The following ROBO2 variants were observed in gnomAD, a reference collection of about 807,000 sequenced individuals.
ROBO2 encodes the protein roundabout homolog 2.
Under a neutral mutation model 160.8 loss-of-function variants are expected in ROBO2, and 53 were observed. That is an observed-to-expected ratio of 0.33 (90% CI 0.26 to 0.41). ROBO2 has a LOEUF of 0.41. Ranked by LOEUF, ROBO2 falls within the 10% of genes least tolerant of loss-of-function variation. The pLI is 1.00. For synonymous variants in ROBO2, 664 were observed against 611.7 expected, an observed-to-expected ratio of 1.09 and a Z score of -1.26; for missense variants, 1,577 against 1,722.4, an observed-to-expected ratio of 0.92 and a Z score of 1.49.
At chr3:76,653,802 G>T (rs946665687) in intron 2 of ROBO2, among the ~76,000 whole-genome samples, 15 of 152,114 alleles carry the variant, frequency 9.9e-5, no homozygotes, top group African/African-American at 3.1e-4. Flanking sequence ...GGGTAAAATT[G>T]CTTGGCTAGG....
intron 2 of ROBO2, among the ~76,000 whole-genome samples, chr3:76,960,565 T>C (rs2079576633): frequency 6.6e-6 from 1 of 152,072 alleles, no homozygotes; most frequent in Non-Finnish European, 1.5e-5. Context: ...GTAAGACTAT[T>C]ATAAGTGAGA....
At chr3:76,760,096 G>A (rs945596196) in intron 2 of ROBO2, among the ~76,000 whole-genome samples, 17 of 151,860 alleles carry the variant, frequency 1.1e-4, no homozygotes, top group African/African-American at 3.1e-4. Flanking sequence ...AGGCACAAGG[G>A]AAAAGAGACT....
chr3:77,270,932 T>C (rs2153353967), intron 2 of ROBO2, among the ~76,000 whole-genome samples: 1 of 125,632 alleles, frequency 8.0e-6, no homozygotes, highest in Non-Finnish European at 1.6e-5. Flanking sequence ...GACAGAGCAA[T>C]ACTCTGTCTT....
At chr3:76,038,296 T>C (rs1326813554) in intron 2 of ROBO2, among the ~76,000 whole-genome samples, 1 of 151,890 alleles carries the variant, frequency 6.6e-6, no homozygotes, top group African/African-American at 2.4e-5. Flanking sequence ...TTGCATTGAG[T>C]GTATATTGCA....
chr3:76,182,497 A>G (rs1355062007), intron 2 of ROBO2, among the ~76,000 whole-genome samples: 2 of 152,118 alleles, frequency 1.3e-5, no homozygotes, highest in Non-Finnish European at 2.9e-5. Flanking sequence ...TACCCTACTT[A>G]GTGATTAGAA....
At chr3:75,963,603 C>CATT (rs1323994639) in intron 2 of ROBO2, among the ~76,000 whole-genome samples, 1 of 151,762 alleles carries the variant, frequency 6.6e-6, no homozygotes, top group African/African-American at 2.4e-5. Flanking sequence ...TTAAAAAGTC[C>CATT]ATTATGTCCT....
At chr3:77,183,844 C>A (rs1341769640) in intron 2 of ROBO2, among the ~76,000 whole-genome samples, 3 of 152,004 alleles carry the variant, frequency 2.0e-5, no homozygotes, top group Admixed American at 6.6e-5. Flanking sequence ...AATTGATTAA[C>A]TTTCTTTTCA....
chr3:75,977,205 A>G (rs543622622), intron 2 of ROBO2, among the ~76,000 whole-genome samples: 18 of 151,638 alleles, frequency 1.2e-4, no homozygotes, highest in South Asian at 2.1e-4. Flanking sequence ...CTGTCTCACA[A>G]TTGTCCCTGG....
intron 2 of ROBO2, chr3:77,317,023 A>G: frequency 1.3e-6 from 2 of 1,528,528 alleles, no homozygotes; most frequent in Non-Finnish European, 1.8e-6. Flanking sequence ...CTTCTGGTAA[A>G]TGGAGCCGCC....
intron 2 of ROBO2, among the ~76,000 whole-genome samples, chr3:76,332,270 T>A (rs924704186): frequency 6.6e-6 from 1 of 152,180 alleles, no homozygotes; most frequent in African/African-American, 2.4e-5. Context: ...TAATATTGTA[T>A]AACACCAATT....
At chr3:76,388,482 A>G (rs1056679133) in intron 2 of ROBO2, among the ~76,000 whole-genome samples, 2 of 152,142 alleles carry the variant, frequency 1.3e-5, no homozygotes, top group Non-Finnish European at 2.9e-5. Context: ...CGTGTTAGCC[A>G]GGATGGTCTC....
intron 2 of ROBO2, among the ~76,000 whole-genome samples, chr3:76,857,781 G>C (rs1443586083): frequency 6.6e-6 from 1 of 152,054 alleles, no homozygotes; most frequent in Non-Finnish European, 1.5e-5. Flanking sequence ...TATTTTAACA[G>C]CTTCTCACGG....
chr3:76,613,764 G>A (rs1215345100), intron 2 of ROBO2, among the ~76,000 whole-genome samples: 1 of 151,994 alleles, frequency 6.6e-6, no homozygotes, highest in Non-Finnish European at 1.5e-5. Flanking sequence ...CTCAGCTTAA[G>A]AAGTAGATGT....
intron 2 of ROBO2, among the ~76,000 whole-genome samples, chr3:76,343,960 A>G (rs868727945): frequency 6.6e-6 from 1 of 151,958 alleles, no homozygotes; most frequent in Non-Finnish European, 1.5e-5. Context: ...GGTTTGTACT[A>G]AAAGCATTTT....
chr3:76,065,548 A>C (rs2107919484), intron 2 of ROBO2, among the ~76,000 whole-genome samples: 1 of 152,046 alleles, frequency 6.6e-6, no homozygotes, highest in African/African-American at 2.4e-5. Flanking sequence ...TCAGAAACCT[A>C]AAAAGCCTCT....
intron 2 of ROBO2, among the ~76,000 whole-genome samples, chr3:76,280,512 CTT>C (rs1159144855): frequency 6.6e-6 from 1 of 151,958 alleles, no homozygotes; most frequent in Admixed American, 6.6e-5. Flanking sequence ...TGCTCCTAGA[CTT>C]TTTAGTCTCT....
At chr3:77,616,685 G>C (rs1048310379) in intron 21 of ROBO2, among the ~76,000 whole-genome samples, 1 of 152,020 alleles carries the variant, frequency 6.6e-6, no homozygotes, top group Non-Finnish European at 1.5e-5. Flanking sequence ...TAATCCATTT[G>C]ATTTATGAAA....
intron 2 of ROBO2, among the ~76,000 whole-genome samples, chr3:77,365,503 C>T (rs1016684889): frequency 2.0e-5 from 3 of 151,934 alleles, no homozygotes; most frequent in East Asian, 1.9e-4. Context: ...ATTATTGGTC[C>T]CTTCAGAAGC....
intron 2 of ROBO2, among the ~76,000 whole-genome samples, chr3:77,029,244 T>A (rs1174122543): frequency 1.3e-5 from 2 of 152,162 alleles, no homozygotes; most frequent in Non-Finnish European, 2.9e-5. Context: ...TTGGCTTCTG[T>A]CATATCCAAT....
Sources: gnomAD v4.1 joint callset for allele counts (sites outside exome capture counted in the v4.1 genomes callset) on GRCh38, gnomAD v4.1.1 for gene constraint, MANE v1.5 for transcripts, NCBI Gene and HGNC (gene_info 2026-07-23, HGNC 2026-07-21) for gene names.